CNPY3: variants seen among roughly 807,000 people sequenced by gnomAD.
The protein encoded by CNPY3 is canopy FGF signaling regulator 3.
A neutral mutation model predicts 32.0 loss-of-function variants in CNPY3; 20 were observed. The ratio of observed to expected loss-of-function variants is 0.63; its 90% CI spans 0.44 to 0.91. The LOEUF (loss-of-function observed/expected upper bound fraction) is 0.91, where lower values mean the gene tolerates loss of function less well. Among genes scored for constraint, CNPY3 ranks in the 40% least tolerant of loss-of-function variants. The pLI is 0.00. For missense variants in CNPY3, 299 were observed against 340.8 expected (o/e 0.88, Z 0.97); for synonymous variants, 138 against 142.9 (o/e 0.97, Z 0.24).
At position 42,935,649 on chromosome 6, in the gene CNPY3, C is replaced by T. The variant is rs372781203; in HGVS notation, c.351C>T (p.Thr117=). 2.6e-5 allele frequency: 42 copies of T among 1,610,614 alleles called. No individual in the cohort carries two copies. In the South Asian group the frequency reaches 3.2e-4, roughly 12 times the overall value. The change falls in exon 3 of 6, where the codon ACC becomes ACT. Residue 117 remains threonine (T), a synonymous_variant. Coordinates refer to ENST00000372836, the MANE Select transcript of CNPY3 (RefSeq NM_006586.5). ...LLDYSLHKER[T]GSNRFAKGMS... is the part of the protein sequence containing the mutation. ...ATTATAGCCTGCACAAGGAGAGGAC[C>T]GGCAGCAATCGATTTGCCAAGGTTG...
Position 42,934,872 on chromosome 6 carries a change from G to GT in CNPY3, c.275+283dup, listed in dbSNP as rs1304879028. ...GCTTGGATTTCACAGAGCAATGCAAGTTTTTTTTTGCGACGGAGTTTCACT... is the reference window on the plus strand; with the variant it reads ...GCTTGGATTTCACAGAGCAATGCAAGTTTTTTTTTTGCGACGGAGTTTCACT... On this transcript the variant is annotated intron_variant, in intron 2 of 5. Coordinates refer to ENST00000372836, the MANE Select transcript of CNPY3 (RefSeq NM_006586.5). Among the ~76,000 whole-genome samples the GT allele has an allele frequency of 1.2e-3, 185 of 151,638 alleles. 1 individual carries two copies. Among genetic ancestry groups the GT allele is most frequent in the African/African-American group, 4.2e-3 (173 of 41,346 alleles).
At chr6:42,933,407 A>C (rs367828623) in intron 1 of CNPY3, among the ~76,000 whole-genome samples, 2 of 152,152 alleles carry the variant, frequency 1.3e-5, no homozygotes, top group African/African-American at 4.8e-5. Context: ...TACCTATTTG[A>C]GGAAGGGTAA....
In CNPY3 at chr6:42,938,604, A is replaced by G. The variant is rs140628883; in HGVS notation, c.650A>G (p.Asp217Gly). The stretch of plus-strand genomic sequence containing the variant: ...GAGCAGTGGTCCGGCAAGAAGGGAG[A>G]CACAGCTGCCCTGGGAGGGAAGAAG... ...LAEQWSGKKG[D>G]TAALGGKKSK... Residue 217 changes from aspartate to glycine, a missense_variant, in exon 6 of 6, where the codon GAC becomes GGC. Around this residue, in one of 2 missense-constraint regions of CNPY3, gnomAD observed 211 missense variants for 278.3 expected, o/e 0.76. Transcript: ENST00000372836. 1.6e-5 allele frequency: 25 copies of G among 1,603,946 alleles called. No individual in the cohort carries two copies. The highest frequency in any genetic ancestry group is 5.1e-6 in the Non-Finnish European group (6 of 1,175,118).
At chr6:42,934,372 C>A in intron 1 of CNPY3, 103 bp from the exon 2 acceptor site, 2 of 1,461,238 alleles carry the variant, frequency 1.4e-6, no homozygotes, top group Non-Finnish European at 1.9e-6. Flanking sequence ...GATTTTGGTC[C>A]TCCAGTCTAG....
intron 3 of CNPY3, among the ~76,000 whole-genome samples, chr6:42,936,824 C>T (rs1003808820): frequency 6.6e-6 from 1 of 152,342 alleles, no homozygotes; most frequent in African/African-American, 2.4e-5. Context: ...GCATGAGCCA[C>T]TGCACCCAGC....
At chr6:42,937,565 A>G (rs1252328372) in intron 3 of CNPY3, 152 bp from the exon 4 acceptor site, 4 of 768,556 alleles carry the variant, frequency 5.2e-6, no homozygotes, top group African/African-American at 3.5e-5. Context: ...CCTGGGCGAC[A>G]GAGTGAGACT....
At chr6:42,937,968 A>G (rs1768351024) in intron 4 of CNPY3, 122 bp from the exon 5 acceptor site, 7 of 1,469,686 alleles carry the variant, frequency 4.8e-6, no homozygotes, top group Non-Finnish European at 6.6e-6. Context: ...CTCTGGCCTC[A>G]GTTTCCTTAG....
chr6:42,937,235 G>A (rs1003676736), intron 3 of CNPY3, among the ~76,000 whole-genome samples: 10 of 152,298 alleles, frequency 6.6e-5, no homozygotes, highest in African/African-American at 2.4e-4. Context: ...GCGATGAGGT[G>A]TGCAGAGGCA....
Position 42,929,658 on chromosome 6 carries a change from C to A in CNPY3, c.88C>A (p.Leu30Met). The change falls in exon 1 of 6, where the codon CTG becomes ATG. Residue 30 changes from leucine (L) to methionine (M), a missense_variant. Around this residue, in one of 2 missense-constraint regions of CNPY3, gnomAD observed 88 missense variants for 62.5 expected, o/e 1.41. Coordinates refer to ENST00000372836, the MANE Select transcript of CNPY3 (RefSeq NM_006586.5). ...GCTGCTGCTGCTGCCGGCCCCGGAG[C>A]TGGGCCCGAGCCAGGCCGGAGCTGA... The part of the protein sequence containing the change: ...LLLLLLPAPE[L>M]GPSQAGAEEN... 6.4e-7 allele frequency: 1 copy of A among 1,553,276 alleles called. No individual in the cohort carries two copies. Among genetic ancestry groups the A allele is most frequent in the Non-Finnish European group, 8.7e-7 (1 of 1,148,942 alleles).
intron 1 of CNPY3, among the ~76,000 whole-genome samples, chr6:42,934,154 A>T (rs1490832990): frequency 6.7e-6 from 1 of 148,530 alleles, no homozygotes; most frequent in East Asian, 1.9e-4. Context: ...CTCCATCTCA[A>T]AAAAAAAAAA....
chr6:42,936,217 G>C (rs1768225197), intron 3 of CNPY3, among the ~76,000 whole-genome samples: 1 of 134,462 alleles, frequency 7.4e-6, no homozygotes, highest in African/African-American at 3.2e-5. Flanking sequence ...GGGTAAGATA[G>C]TTGCCACCCA....
chr6:42,935,762 C>A, intron 3 of CNPY3, 92 bp downstream of exon 3: 1 of 1,355,462 alleles, frequency 7.4e-7, no homozygotes, highest in East Asian at 2.4e-5. Context: ...TGAAGATGAC[C>A]ACCTGGGATC....
chr6:42,935,655 C>T lies in CNPY3; in HGVS notation c.357C>T (p.Ser119=). 1 of 1,610,208 alleles carries T rather than the reference C, an allele frequency of 6.2e-7. No individual in the cohort carries two copies. Among genetic ancestry groups the T allele is most frequent in the Non-Finnish European group, 8.5e-7 (1 of 1,176,918 alleles). The change falls in exon 3 of 6, where the codon AGC becomes AGT. Residue 119 remains serine, a synonymous_variant. Transcript: ENST00000372836. ...GCCTGCACAAGGAGAGGACCGGCAG[C>T]AATCGATTTGCCAAGGTTGGATTCG... ...DYSLHKERTG[S]NRFAKGMSET...
intron 1 of CNPY3, among the ~76,000 whole-genome samples, chr6:42,930,586 C>T (rs776822404): frequency 6.6e-6 from 1 of 152,100 alleles, no homozygotes; most frequent in Non-Finnish European, 1.5e-5. Context: ...CTATAAAGGA[C>T]CTATTTCTTT....
intron 5 of CNPY3, 124 bp downstream of exon 5, chr6:42,938,331 G>C (rs759940191): frequency 2.2e-5 from 19 of 850,734 alleles, no homozygotes; most frequent in Admixed American, 9.1e-5. Context: ...CCCTTGAAAG[G>C]CTTGATTGGC....
rs538003610 is a variant in CNPY3, at chr6:42,938,855, T to C, written c.*64T>C. 1.3e-6 allele frequency: 2 copies of C among 1,486,544 alleles called. No individual in the cohort carries two copies. The highest frequency in any genetic ancestry group is 2.8e-5 in the South Asian group (2 of 72,350). The allele number at this position is 1,486,544 out of a possible 1,614,324, so 92.1% of individuals were successfully genotyped here. On this transcript the variant is annotated 3_prime_UTR_variant, in exon 6 of 6. Coordinates refer to ENST00000372836, the MANE Select transcript of CNPY3 (RefSeq NM_006586.5). ...GAAGCTGAGGAGTCAGGGGCATGGC[T>C]CTGGCAGGCCGGGATGGCCCCGCAG...
At chr6:42,930,587 C>T (rs1325903835) in intron 1 of CNPY3, among the ~76,000 whole-genome samples, 1 of 152,092 alleles carries the variant, frequency 6.6e-6, no homozygotes, top group Non-Finnish European at 1.5e-5. Context: ...TATAAAGGAC[C>T]TATTTCTTTT....
rs548630438 is a variant in CNPY3 at position 42,938,164 on chromosome 6, T to G, written c.570T>G (p.Thr190=). 2 of 1,614,078 alleles carry G rather than the reference T, an allele frequency of 1.2e-6. No individual in the cohort carries two copies. Among genetic ancestry groups the G allele is most frequent in the African/African-American group, 2.7e-5 (2 of 75,028 alleles). Residue 190 remains threonine (T), a synonymous_variant, in exon 5 of 6, where the codon ACT becomes ACG. Transcript: ENST00000372836. ...WYRNHQEEDL[T]EFLCANHVLK... is the part of the protein sequence containing the mutation. ...GGAACCACCAGGAGGAAGACCTGAC[T>G]GAATTCCTCTGCGCCAACCACGTGC...
intron 2 of CNPY3, 30 bp from the exon 3 acceptor site, chr6:42,935,544 A>G: frequency 3.1e-6 from 5 of 1,596,734 alleles, no homozygotes; most frequent in Non-Finnish European, 4.3e-6. Flanking sequence ...TAGGAGGGGA[A>G]CTCAGTTCCT....
Sources: allele counts gnomAD v4.1 joint callset (sites outside exome capture counted in the v4.1 genomes callset), GRCh38; gene constraint gnomAD v4.1.1; regional missense constraint gnomAD v4.1.1; transcripts MANE v1.5; gene names NCBI Gene and HGNC (gene_info 2026-07-23, HGNC 2026-07-21).